The following MYO5B variants were observed in gnomAD, a reference collection of about 807,000 sequenced individuals.
MYO5B encodes the protein unconventional myosin-Vb.
Under a neutral mutation model 229.3 loss-of-function variants are expected in MYO5B, and 143 were observed. The observed-to-expected ratio is 0.62, with a 90% CI of 0.54 to 0.72. The LOEUF is 0.72. Among genes scored for constraint, MYO5B ranks in the 30% least tolerant of loss-of-function variants. The pLI, the probability that MYO5B is intolerant of heterozygous loss-of-function variation, is 0.00. For synonymous variants in MYO5B, 918 were observed against 885.2 expected (o/e 1.04, Z -0.66); for missense variants, 2,321 against 2,331.0 (o/e 1.00, Z 0.09).
chr18:50,042,042 G>C (rs2030031749), intron 2 of MYO5B, among the ~76,000 whole-genome samples: 1 of 152,166 alleles, frequency 6.6e-6, no homozygotes, highest in Non-Finnish European at 1.5e-5. Flanking sequence ...AAGATTATCA[G>C]CACTATTATC....
chr18:49,948,993 C>G (rs1233172719), intron 14 of MYO5B, among the ~76,000 whole-genome samples: 1 of 152,184 alleles, frequency 6.6e-6, no homozygotes, highest in Non-Finnish European at 1.5e-5. Flanking sequence ...AAAATTAATT[C>G]TGGGAAGGAG....
Position 49,879,104 on chromosome 18 carries a change from C to A in MYO5B, c.3131-14G>T, listed in dbSNP as rs773115219. ...GGGCAAATTCATCTGGAAAGCAACA[C>A]GCTAAGCTGCAGTTTTTCTGGATGG... On this transcript the variant is annotated splice_polypyrimidine_tract_variant and intron_variant, in intron 23 of 39. Transcript: ENST00000285039. 11 of 1,614,006 alleles carry A rather than the reference C, an allele frequency of 6.8e-6. No individual in the cohort carries two copies. The highest frequency in any genetic ancestry group is 4.0e-5 in the African/African-American group (3 of 74,916).
intron 4 of MYO5B, among the ~76,000 whole-genome samples, chr18:50,006,741 G>A (rs372712603): frequency 6.6e-5 from 10 of 152,238 alleles, no homozygotes; most frequent in South Asian, 2.1e-4. Context: ...TGGTGCCACC[G>A]GGAGAGAGAG....
chr18:50,045,245 G>A (rs553054564), intron 2 of MYO5B, among the ~76,000 whole-genome samples: 45 of 152,106 alleles, frequency 3.0e-4, no homozygotes, highest in Non-Finnish European at 5.9e-4. Flanking sequence ...GAGATAATGT[G>A]GTTTTCTATC....
chr18:50,133,422 C>G (rs7231741), intron 1 of MYO5B, among the ~76,000 whole-genome samples: 1,746 of 152,216 alleles, frequency 0.011, 27 homozygotes, highest in African/African-American at 0.036. Flanking sequence ...ATTAAAAGAA[C>G]CTTCAATAGA....
chr18:49,837,831 T>G, intron 36 of MYO5B, 29 bp from the exon 37 acceptor site: 1 of 1,612,778 alleles, frequency 6.2e-7, no homozygotes, highest in Non-Finnish European at 8.5e-7. Context: ...TAGAGAAGCT[T>G]GCATTCCCCA....
At chr18:49,873,655 T>C (rs1013682910) in intron 26 of MYO5B, among the ~76,000 whole-genome samples, 10 of 152,240 alleles carry the variant, frequency 6.6e-5, no homozygotes, top group Non-Finnish European at 1.2e-4. Flanking sequence ...CATGTGTCCG[T>C]GGATGATATT....
In MYO5B at chr18:49,894,957, T is replaced by C. The variant is rs1472772691; in HGVS notation, c.3029A>G (p.Lys1010Arg). ...KILEDAHSRE[K>R]DELRKRVADL... ...TGAGCATACCTTCCTCAGCTCATCT[T>C]TCTCCCTGCTGTGGGCGTCCTCCAA... The change falls in exon 22 of 40, where the codon AAA (lysine) becomes AGA (arginine). Residue 1010 changes from lysine to arginine, a missense_variant. Transcript: ENST00000285039. 8.1e-6 allele frequency: 13 copies of C among 1,613,088 alleles called. No homozygotes were observed. The highest frequency in any genetic ancestry group is 1.1e-5 in the Non-Finnish European group (13 of 1,180,030).
intron 12 of MYO5B, 122 bp downstream of exon 12, chr18:49,962,144 C>T (rs1568049177): frequency 2.3e-6 from 3 of 1,320,946 alleles, no homozygotes; most frequent in South Asian, 1.2e-5. Context: ...CCTGCCAACG[C>T]TTCTTCCAGC....
intron 31 of MYO5B, among the ~76,000 whole-genome samples, chr18:49,852,420 A>C (rs1270892594): frequency 6.6e-6 from 1 of 152,220 alleles, no homozygotes; most frequent in East Asian, 1.9e-4. Flanking sequence ...ACTTGCAGAC[A>C]AAGAGAGGGA....
chr18:50,136,454 C>G (rs1036510214), intron 1 of MYO5B, among the ~76,000 whole-genome samples: 1 of 148,042 alleles, frequency 6.8e-6, no homozygotes, highest in African/African-American at 2.5e-5. Context: ...TAAACATTAG[C>G]TGACAAGTGT....
intron 31 of MYO5B, 119 bp from the exon 32 acceptor site, chr18:49,849,779 G>T: frequency 1.3e-6 from 1 of 794,792 alleles, no homozygotes; most frequent in Non-Finnish European, 2.2e-6. Context: ...TCAGAAATGC[G>T]CCAGTCAGGG....
intron 16 of MYO5B, among the ~76,000 whole-genome samples, chr18:49,935,823 T>C (rs1787520): frequency 0.53 from 80,296 of 152,046 alleles, 21,592 homozygotes; most frequent in Middle Eastern, 0.71. Context: ...TAGCAGCAGA[T>C]GGGAATGTGA....
intron 5 of MYO5B, among the ~76,000 whole-genome samples, chr18:49,999,784 G>C (rs1168380239): frequency 6.6e-6 from 1 of 152,186 alleles, no homozygotes; most frequent in Admixed American, 6.5e-5. Flanking sequence ...AATTTGGGGG[G>C]CCCCTCCCAG....
At chr18:50,034,905 T>C (rs2026431834) in intron 4 of MYO5B, among the ~76,000 whole-genome samples, 1 of 152,064 alleles carries the variant, frequency 6.6e-6, no homozygotes, top group African/African-American at 2.4e-5. Context: ...GTATAAACCT[T>C]AAAACCTTAA....
At chr18:50,026,662 C>T (rs2026334647) in intron 4 of MYO5B, among the ~76,000 whole-genome samples, 1 of 152,164 alleles carries the variant, frequency 6.6e-6, no homozygotes, top group Admixed American at 6.5e-5. Flanking sequence ...CCATCGTTTC[C>T]TTCTTTTGGA....
chr18:50,193,395 C>A (rs1000994051), intron 1 of MYO5B, among the ~76,000 whole-genome samples: 4 of 152,268 alleles, frequency 2.6e-5, no homozygotes, highest in African/African-American at 9.6e-5. Context: ...TGACAGCCTC[C>A]GCGGCCACCT....
chr18:49,969,724 A>T (rs2025669443), intron 10 of MYO5B: 1 of 152,218 alleles, frequency 6.6e-6, no homozygotes. Flanking sequence ...CACCGAATAG[A>T]GTTGGATGCT....
At chr18:49,864,098 G>T in intron 28 of MYO5B, 43 bp downstream of exon 28, 2 of 1,600,290 alleles carry the variant, frequency 1.2e-6, no homozygotes, top group Non-Finnish European at 1.7e-6. Flanking sequence ...TACCACCTAG[G>T]GTCACCCCTC....
Sources: gnomAD v4.1 joint callset for allele counts (sites outside exome capture counted in the v4.1 genomes callset) on GRCh38, gnomAD v4.1.1 for gene constraint, MANE v1.5 for transcripts, NCBI Gene and HGNC (gene_info 2026-07-23, HGNC 2026-07-21) for gene names.